EBF4: variants seen among roughly 807,000 people sequenced by gnomAD.
EBF4 encodes EBF transcription factor 4, also known as transcription factor COE4.
EBF4 carries 34 observed loss-of-function variants against 67.1 expected under a neutral mutation model. The ratio of observed to expected loss-of-function variants is 0.51; its 90% confidence interval spans 0.39 to 0.67. The LOEUF (loss-of-function observed/expected upper bound fraction) is 0.67. Ranked by LOEUF, EBF4 falls within the 30% of genes least tolerant of loss-of-function variation. The pLI is 0.00. For missense variants in EBF4, 837 were observed against 873.3 expected (o/e 0.96, Z 0.52); for synonymous variants, 387 against 377.7 (o/e 1.02, Z -0.29).
chr20:2,706,114 C>T, intron 3 of EBF4, 77 bp downstream of exon 3: 3 of 1,548,166 alleles, frequency 1.9e-6, no homozygotes, highest in East Asian at 2.4e-5. Flanking sequence ...ACCTAATGCC[C>T]CCTGTGCCAG....
intron 6 of EBF4, among the ~76,000 whole-genome samples, chr20:2,732,279 C>T (rs1245356037): frequency 2.0e-5 from 3 of 152,024 alleles, no homozygotes; most frequent in East Asian, 1.9e-4. Flanking sequence ...TGCCACCACA[C>T]CCAGTTAATT....
chr20:2,708,902 T>C (rs140931585), intron 5 of EBF4, among the ~76,000 whole-genome samples: 7 of 152,262 alleles, frequency 4.6e-5, no homozygotes, highest in African/African-American at 1.7e-4. Flanking sequence ...TGGCCATCCA[T>C]TGGCCAGGCA....
intron 14 of EBF4, among the ~76,000 whole-genome samples, chr20:2,754,864 C>T (rs1476417445): frequency 2.0e-5 from 3 of 151,348 alleles, no homozygotes; most frequent in Admixed American, 6.6e-5. Flanking sequence ...GAGGGCAAGC[C>T]GCAGCCTGGG....
chr20:2,743,924 A>G (rs1228473332), intron 6 of EBF4, among the ~76,000 whole-genome samples: 1 of 151,864 alleles, frequency 6.6e-6, no homozygotes, highest in Non-Finnish European at 1.5e-5. Context: ...TAGTCACCCC[A>G]CTCTGCTATC....
At position 2,693,616 on chromosome 20, in the gene EBF4, G is replaced by T; in HGVS notation, c.-30G>T. 7.3e-7 allele frequency: 1 copy of T among 1,362,754 alleles called. No homozygotes were observed. Among genetic ancestry groups the T allele is most frequent in the South Asian group, 1.7e-5 (1 of 58,446 alleles). 84.4% of individuals were successfully genotyped at this position (1,362,754 alleles called of 1,614,324 possible). On this transcript the variant is annotated 5_prime_UTR_variant, in exon 1 of 17. Transcript: ENST00000609451. This position sits in a 1 kb window ranked among gnomAD's most constrained non-coding sequence, Gnocchi z 4.6. ...GCCTCAGCGGGACCGGATCCGGGGCGGCGGGGGCGCTCACTCACCGCGCGC... is the reference window on the plus strand; with the variant it reads ...GCCTCAGCGGGACCGGATCCGGGGCTGCGGGGGCGCTCACTCACCGCGCGC...
At chr20:2,753,052 C>T (rs2088182761) in intron 14 of EBF4, among the ~76,000 whole-genome samples, 1 of 152,258 alleles carries the variant, frequency 6.6e-6, no homozygotes, top group Non-Finnish European at 1.5e-5. Context: ...CGATGTCGTC[C>T]GGCAGAGCGA....
In EBF4 at chr20:2,693,635, C is replaced by G. The variant is rs774741154; in HGVS notation, c.-11C>G. 7.1e-7 allele frequency: 1 copy of G among 1,405,864 alleles called. No individual in the cohort carries two copies. 87.1% of individuals were successfully genotyped at this position (1,405,864 alleles called of 1,614,324 possible). A position where few individuals can be genotyped will look rare whatever the true frequency, so the allele number is the denominator to read the frequency against. On this transcript the variant is annotated 5_prime_UTR_variant, in exon 1 of 17. Transcript: ENST00000609451. This position sits in a 1 kb window ranked among gnomAD's most constrained non-coding sequence, Gnocchi z 4.6. Reference sequence around the variant, plus strand: ...CGGGGCGGCGGGGGCGCTCACTCACCGCGCGCCCTCATGTTCCCTGCGCAG... The same window carrying G: ...CGGGGCGGCGGGGGCGCTCACTCACGGCGCGCCCTCATGTTCCCTGCGCAG...
chr20:2,715,870 T>C (rs1188931576), intron 6 of EBF4, among the ~76,000 whole-genome samples: 1 of 152,174 alleles, frequency 6.6e-6, no homozygotes, highest in African/African-American at 2.4e-5. Flanking sequence ...TGCCTCAGCC[T>C]TCCGAGTAGC....
chr20:2,746,001 C>T (rs1440557468), intron 6 of EBF4, among the ~76,000 whole-genome samples: 1 of 152,158 alleles, frequency 6.6e-6, no homozygotes, highest in Non-Finnish European at 1.5e-5. Context: ...TGGTGTTTTT[C>T]CCTCCATCTA....
intron 1 of EBF4, among the ~76,000 whole-genome samples, chr20:2,697,552 A>AAAAGAAAG (rs4053448): frequency 2.0e-5 from 3 of 147,082 alleles, no homozygotes; most frequent in African/African-American, 7.6e-5. Context: ...CTCAAAAAAA[A>AAAAGAAAG]AAAGAAAGAA....
intron 6 of EBF4, among the ~76,000 whole-genome samples, chr20:2,715,207 T>C (rs1202132421): frequency 6.6e-6 from 1 of 152,116 alleles, no homozygotes; most frequent in Non-Finnish European, 1.5e-5. Context: ...ACAGATTGCA[T>C]AATCCTAAAA....
At chr20:2,758,850 G>A (rs2088281978) in intron 15 of EBF4, 59 bp from the exon 16 acceptor site, 4 of 1,452,078 alleles carry the variant, frequency 2.8e-6, no homozygotes, top group African/African-American at 1.4e-5. Flanking sequence ...GAGAGTGACA[G>A]GCAGGTGGCT....
chr20:2,699,433 A>G (rs891492001), intron 1 of EBF4, among the ~76,000 whole-genome samples: 1 of 152,212 alleles, frequency 6.6e-6, no homozygotes, highest in East Asian at 1.9e-4. Context: ...TTTTCGGTCT[A>G]TTTAAGAATG....
chr20:2,721,757 A>C (rs147733756), intron 6 of EBF4, among the ~76,000 whole-genome samples: 1 of 152,136 alleles, frequency 6.6e-6, no homozygotes, highest in African/African-American at 2.4e-5. Context: ...ACCTGGCCCC[A>C]TGTCTCTAAC....
At chr20:2,698,802 C>G (rs2087333854) in intron 1 of EBF4, among the ~76,000 whole-genome samples, 1 of 152,062 alleles carries the variant, frequency 6.6e-6, no homozygotes, top group Non-Finnish European at 1.5e-5. Flanking sequence ...AAATTAGGAC[C>G]AGGGCAAGGC....
At chr20:2,695,781 T>A (rs2087280409) in intron 1 of EBF4, among the ~76,000 whole-genome samples, 2 of 152,164 alleles carry the variant, frequency 1.3e-5, no homozygotes, top group Admixed American at 6.5e-5. Context: ...TGCCTCCGCC[T>A]TCATCACGGC....
intron 6 of EBF4, among the ~76,000 whole-genome samples, chr20:2,730,569 G>A (rs542297597): frequency 6.6e-6 from 1 of 152,322 alleles, no homozygotes; most frequent in South Asian, 2.1e-4. Flanking sequence ...AAAGGGGGTT[G>A]GGGTGAGGCA....
chr20:2,708,583 G>C (rs2087493641), intron 5 of EBF4, among the ~76,000 whole-genome samples: 1 of 152,158 alleles, frequency 6.6e-6, no homozygotes, highest in Non-Finnish European at 1.5e-5. Flanking sequence ...TCTGTGGTTG[G>C]TAGCCAGGCG....
At chr20:2,730,588 G>T (rs141796599) in intron 6 of EBF4, among the ~76,000 whole-genome samples, 1 of 152,264 alleles carries the variant, frequency 6.6e-6, no homozygotes, top group Non-Finnish European at 1.5e-5. Context: ...CAACAATGAC[G>T]TCCCCTATAC....
Sources: allele counts gnomAD v4.1 joint callset (sites outside exome capture counted in the v4.1 genomes callset), GRCh38; gene constraint gnomAD v4.1.1; non-coding constraint Gnocchi (gnomAD v3.1); transcripts MANE v1.5; gene names NCBI Gene and HGNC (gene_info 2026-07-23, HGNC 2026-07-21).